FAM78B: variants seen among roughly 807,000 people sequenced by gnomAD.
FAM78B encodes the protein family with sequence similarity 78 member B.
In FAM78B, 10 loss-of-function variants were observed where a neutral mutation model predicts 20.0. The ratio of observed to expected loss-of-function variants is 0.50; its 90% CI spans 0.31 to 0.85. FAM78B has a LOEUF of 0.85. Among genes scored for constraint, FAM78B ranks in the 40% least tolerant of loss-of-function variants. The probability of loss-of-function intolerance (pLI) is 0.05; values close to 1 mark genes in which losing one functional copy is unlikely to be tolerated. For missense variants in FAM78B, 283 were observed against 345.0 expected (o/e 0.82, Z 1.42); for synonymous variants, 135 against 132.8 (o/e 1.02, Z -0.12).
intron 1 of FAM78B, among the ~76,000 whole-genome samples, chr1:166,086,278 C>T (rs367646843): frequency 6.6e-6 from 1 of 152,166 alleles, no homozygotes; most frequent in Non-Finnish European, 1.5e-5. Flanking sequence ...CTCCCTCCCC[C>T]ACCATCCCCA....
chr1:166,109,815 T>C (rs1653927812), intron 1 of FAM78B, among the ~76,000 whole-genome samples: 1 of 18,512 alleles, frequency 5.4e-5, no homozygotes, highest in African/African-American at 2.0e-4. Context: ...TGTATATATG[T>C]ATATATATAT....
At chr1:166,142,600 G>A (rs886668341) in intron 1 of FAM78B, among the ~76,000 whole-genome samples, 3 of 152,214 alleles carry the variant, frequency 2.0e-5, no homozygotes, top group African/African-American at 7.2e-5. Context: ...TTTGTGATTT[G>A]AGGAATCATT....
Position 166,070,246 on chromosome 1 carries a change from T to C in FAM78B, c.781A>G (p.Lys261Glu). The C allele has an allele frequency of 1.4e-5, 22 of 1,541,608 alleles. No individual in the cohort carries two copies. Among genetic ancestry groups the C allele is most frequent in the Non-Finnish European group, 1.8e-5 (21 of 1,143,304 alleles). Residue 261 changes from lysine (K) to glutamate (E), a missense_variant, in exon 2 of 2, where the codon AAG (lysine) becomes GAG (glutamate). Lys to Glu is a moderately conservative substitution (Grantham distance 56, BLOSUM62 1). Transcript: ENST00000354422. Reference sequence around the variant, plus strand: ...ACAGTCAGGCCAGTCTGCTTCTACTTAGGAGGGATCACAACCAGAGGTGGC... The same window carrying C: ...ACAGTCAGGCCAGTCTGCTTCTACTCAGGAGGGATCACAACCAGAGGTGGC... ...RGPPLVVIPP[K>E]
Position 166,101,585 on chromosome 1 carries a change from C to T in FAM78B, c.264-30822G>A, listed in dbSNP as rs145469831. ...AATGCGCAAGCTTCAGTAGCCGATTCGATCAACTGGAAGAAAGGGTATCAG... is the reference window on the plus strand; with the variant it reads ...AATGCGCAAGCTTCAGTAGCCGATTTGATCAACTGGAAGAAAGGGTATCAG... On this transcript the variant is annotated intron_variant, in intron 1 of 1. Transcript: ENST00000354422. Among the ~76,000 whole-genome samples the T allele has an allele frequency of 9.1e-4, 139 of 152,188 alleles. 1 individual carries two copies. Among genetic ancestry groups the T allele is most frequent in the African/African-American group, 2.9e-3 (119 of 41,508 alleles).
intron 2 of FAM78B, among the ~76,000 whole-genome samples, chr1:166,064,047 T>TG (rs1651709751): frequency 1.3e-5 from 2 of 152,060 alleles, no homozygotes; most frequent in Non-Finnish European, 1.5e-5. Flanking sequence ...AGGCACAGTT[T>TG]GGGGTATGGG....
intron 1 of FAM78B, among the ~76,000 whole-genome samples, chr1:166,105,555 A>G (rs1162821924): frequency 1.3e-5 from 2 of 152,256 alleles, no homozygotes; most frequent in African/African-American, 2.4e-5. Context: ...GGATATGAAC[A>G]GACACTTCTC....
intron 2 of FAM78B, among the ~76,000 whole-genome samples, chr1:166,062,663 G>A (rs1016901126): frequency 4.6e-5 from 7 of 152,212 alleles, no homozygotes; most frequent in Non-Finnish European, 8.8e-5. Context: ...CATGTGCAGC[G>A]TCTTTCTTTC....
intron 1 of FAM78B, among the ~76,000 whole-genome samples, chr1:166,118,373 T>C (rs1272038128): frequency 2.0e-5 from 3 of 152,172 alleles, no homozygotes; most frequent in African/African-American, 4.8e-5. Flanking sequence ...TATACCAAGA[T>C]ACCTATCTAA....
At chr1:166,067,203 T>C (rs558209872), downstream of FAM78B, among the ~76,000 whole-genome samples, 1 of 151,970 alleles carries the variant, frequency 6.6e-6, no homozygotes, top group African/African-American at 2.4e-5. Context: ...GAGATGAAAT[T>C]TGGGAGATGG....
chr1:166,140,914 A>T (rs1405112166), intron 1 of FAM78B, among the ~76,000 whole-genome samples: 1 of 152,214 alleles, frequency 6.6e-6, no homozygotes, highest in Non-Finnish European at 1.5e-5. Context: ...TAATATTATC[A>T]TTAGTGCTCA....
At chr1:166,073,353 G>T (rs1268384593) in intron 1 of FAM78B, among the ~76,000 whole-genome samples, 1 of 152,142 alleles carries the variant, frequency 6.6e-6, no homozygotes, top group Non-Finnish European at 1.5e-5. Flanking sequence ...CATCATTAAG[G>T]GATGGTTTGA....
chr1:166,070,064 A>C lies in FAM78B; in HGVS notation c.*177T>G, dbSNP rs79528687. 1.9e-3 allele frequency: 2,437 copies of C among 1,273,360 alleles called. 41 individuals are homozygous for C. In the African/African-American group the frequency reaches 0.034, roughly 18 times the overall value. 78.9% of individuals were successfully genotyped at this position (1,273,360 alleles called of 1,614,324 possible). On this transcript the variant is annotated 3_prime_UTR_variant, in exon 2 of 2. Coordinates refer to ENST00000354422, the MANE Select transcript of FAM78B (RefSeq NM_001017961.5). ...TTCCTAAGAGGAAGGGATTTTTCCT[A>C]AGGATTATGGTTCTACCACCCAAGG...
intron 1 of FAM78B, among the ~76,000 whole-genome samples, chr1:166,078,094 T>C (rs1404655164): frequency 6.7e-6 from 1 of 150,062 alleles, no homozygotes; most frequent in Non-Finnish European, 1.5e-5. Context: ...TGCAGCGGTA[T>C]GATCTTGGCT....
chr1:166,094,003 C>CCG (rs1653175896), intron 1 of FAM78B, among the ~76,000 whole-genome samples: 1 of 125,520 alleles, frequency 8.0e-6, no homozygotes, highest in African/African-American at 3.1e-5. Flanking sequence ...TTGCGAATGA[C>CCG]TGTGTGTGTG....
rs1656417039 is a variant in FAM78B at position 166,166,736 on chromosome 1, T to G, written c.-488A>C. 6.7e-6 allele frequency: 1 copy of G among 148,710 alleles called. No homozygotes were observed. The highest frequency in any genetic ancestry group is 1.5e-5 in the Non-Finnish European group (1 of 66,976). The allele number at this position is 148,710 out of a possible 1,614,324, so 9.2% of individuals were successfully genotyped here. Reference sequence around the variant, plus strand: ...AGCCGCCGCCGCCGCCGCCGCTGCATGAACCTCTGCACCACGGCTGCCCCC... The same window carrying G: ...AGCCGCCGCCGCCGCCGCCGCTGCAGGAACCTCTGCACCACGGCTGCCCCC... On this transcript the variant is annotated 5_prime_UTR_variant, in exon 1 of 2. The change abolishes an upstream ATG in the 5' untranslated region. Coordinates refer to ENST00000354422, the MANE Select transcript of FAM78B (RefSeq NM_001017961.5).
At chr1:166,084,237 A>ACACACACACACACACACTCTCTCT (rs771421402) in intron 1 of FAM78B, among the ~76,000 whole-genome samples, 1 of 125,416 alleles carries the variant, frequency 8.0e-6, no homozygotes, top group Admixed American at 8.3e-5. Context: ...ACACACACAC[A>ACACACACACACACACACTCTCTCT]CTCTCTCTCT....
intron 2 of FAM78B, among the ~76,000 whole-genome samples, chr1:166,062,111 C>G (rs1315337520): frequency 6.6e-6 from 1 of 152,180 alleles, no homozygotes; most frequent in Non-Finnish European, 1.5e-5. Context: ...AGGCTCAGAG[C>G]TCTCCATCAA....
At chr1:166,057,075 G>A (rs553969415), downstream of FAM78B, among the ~76,000 whole-genome samples, 1 of 152,300 alleles carries the variant, frequency 6.6e-6, no homozygotes, top group South Asian at 2.1e-4. Context: ...GGACTTCCCA[G>A]CTTCCAGAAC....
chr1:166,111,601 C>T (rs182289463), intron 1 of FAM78B, among the ~76,000 whole-genome samples: 2 of 152,286 alleles, frequency 1.3e-5, no homozygotes, highest in African/African-American at 4.8e-5. Context: ...TCCTTTTGGT[C>T]ACCTGAAGTG....
Sources: allele counts gnomAD v4.1 joint callset (sites outside exome capture counted in the v4.1 genomes callset), GRCh38; gene constraint gnomAD v4.1.1; transcripts MANE v1.5; gene names NCBI Gene and HGNC (gene_info 2026-07-23, HGNC 2026-07-21).